ADAM32: variants seen among roughly 807,000 people sequenced by gnomAD.
ADAM32 encodes disintegrin and metalloproteinase domain-containing protein 32.
In ADAM32, 89 loss-of-function variants were observed where a neutral mutation model predicts 114.9. That is an observed-to-expected ratio of 0.77 (90% CI 0.65 to 0.92). The LOEUF (loss-of-function observed/expected upper bound fraction) is 0.92, where lower values mean the gene tolerates loss of function less well. ADAM32 is among the 40% of genes least tolerant of loss of function. The pLI, the probability that ADAM32 is intolerant of heterozygous loss-of-function variation, is 0.00. For missense variants in ADAM32, 870 were observed against 932.8 expected (o/e 0.93, Z 0.88); for synonymous variants, 285 against 307.5 (o/e 0.93, Z 0.77).
chr8:39,107,798 T>C lies in ADAM32; in HGVS notation c.23T>C (p.Leu8Pro), dbSNP rs1839986340. 1 of 1,550,224 alleles carries C rather than the reference T, an allele frequency of 6.5e-7. No homozygotes were observed. The highest frequency in any genetic ancestry group is 2.4e-5 in the East Asian group (1 of 40,864). MFRLWLL[L>P]AGLCGLLASR... ...ACCATGTTCCGCCTCTGGTTGCTGC[T>C]GGCCGGGCTCTGCGGCCTCCTGGCG... Residue 8 changes from leucine to proline, a missense_variant, in exon 1 of 25, where the codon CTG becomes CCG. Leu to Pro is a moderately conservative substitution (Grantham distance 98). Coordinates refer to ENST00000379907, the MANE Select transcript of ADAM32 (RefSeq NM_145004.7).
At chr8:39,116,478 A>G (rs538598095) in intron 1 of ADAM32, among the ~76,000 whole-genome samples, 5 of 151,776 alleles carry the variant, frequency 3.3e-5, no homozygotes, top group African/African-American at 1.2e-4. Context: ...ATTCCTAGGT[A>G]TTTTGTTCTT....
chr8:39,215,503 T>C (rs959409709), intron 12 of ADAM32, among the ~76,000 whole-genome samples: 4 of 152,022 alleles, frequency 2.6e-5, no homozygotes, highest in Non-Finnish European at 5.9e-5. Context: ...GTTTTTCTTC[T>C]TTTTTGATAT....
At chr8:39,125,796 TTTTACATTTAAGTC>T (rs1325312844) in intron 2 of ADAM32, among the ~76,000 whole-genome samples, 1 of 152,198 alleles carries the variant, frequency 6.6e-6, no homozygotes, top group Non-Finnish European at 1.5e-5. Context: ...TTACTTTGGG[TTTTACATTTAAGTC>T]TTTAATCCAT....
intron 6 of ADAM32, among the ~76,000 whole-genome samples, chr8:39,156,410 G>T (rs1350246334): frequency 6.6e-6 from 1 of 152,220 alleles, no homozygotes; most frequent in Non-Finnish European, 1.5e-5. Context: ...CTTCCAGAGT[G>T]CCAGGAGTAT....
intron 16 of ADAM32, among the ~76,000 whole-genome samples, chr8:39,245,833 T>G (rs1005974464): frequency 4.6e-5 from 7 of 152,214 alleles, no homozygotes; most frequent in African/African-American, 1.2e-4. Context: ...ATTGTTTTAA[T>G]TATTCTGCTT....
chr8:39,248,253 G>A (rs1811058735), intron 17 of ADAM32, among the ~76,000 whole-genome samples: 3 of 152,160 alleles, frequency 2.0e-5, no homozygotes, highest in Admixed American at 2.0e-4. Context: ...GACAGGGATT[G>A]TGTTCCATCT....
At chr8:39,283,666 T>C in intron 24 of ADAM32, 42 bp downstream of exon 24, 1 of 1,482,478 alleles carries the variant, frequency 6.7e-7, no homozygotes, top group Admixed American at 1.8e-5. Context: ...AATACATGTA[T>C]AAAATTAAAA....
chr8:39,202,463 C>T (rs544696834), intron 11 of ADAM32, among the ~76,000 whole-genome samples: 33 of 152,202 alleles, frequency 2.2e-4, no homozygotes, highest in South Asian at 8.3e-4. Context: ...TCTGTGGGAT[C>T]GGTGGTGATA....
At chr8:39,254,356 T>C in intron 17 of ADAM32, 58 bp from the exon 18 acceptor site, 1 of 1,375,902 alleles carries the variant, frequency 7.3e-7, no homozygotes, top group South Asian at 1.3e-5. Flanking sequence ...AGCTTGATGC[T>C]CACCTTCTCT....
At chr8:39,120,814 A>G (rs1240983577) in intron 2 of ADAM32, among the ~76,000 whole-genome samples, 1 of 151,924 alleles carries the variant, frequency 6.6e-6, no homozygotes, top group African/African-American at 2.4e-5. Context: ...AGAAATGAGA[A>G]ATGTTATTGG....
chr8:39,210,995 C>A, intron 11 of ADAM32, 149 bp from the exon 12 acceptor site: 1 of 568,856 alleles, frequency 1.8e-6, no homozygotes, highest in Non-Finnish European at 2.7e-6. Context: ...AATCACATGA[C>A]ATCCTCAAGT....
rs180719559 is a variant in ADAM32, at chr8:39,204,616, C to G, written c.1053-6528C>G. Among the ~76,000 whole-genome samples the G allele has an allele frequency of 2.0e-5, 3 of 152,232 alleles. No individual in the cohort carries two copies. The East Asian group carries it at 5.8e-4, about 29-fold the overall frequency. ...TTGGGGAAGTTTGATCATCTGAAGC[C>G]TTCTCTCAACTCATCAAAGTCATTC... On this transcript the variant is annotated intron_variant, in intron 11 of 24. Coordinates refer to ENST00000379907, the MANE Select transcript of ADAM32 (RefSeq NM_145004.7).
At chr8:39,267,549 G>A (rs910337513) in intron 19 of ADAM32, among the ~76,000 whole-genome samples, 3 of 152,078 alleles carry the variant, frequency 2.0e-5, no homozygotes, top group Non-Finnish European at 4.4e-5. Context: ...GTTGTGAACC[G>A]CTGGAAACAA....
chr8:39,208,196 A>G (rs1807973405), intron 11 of ADAM32, among the ~76,000 whole-genome samples: 1 of 152,146 alleles, frequency 6.6e-6, no homozygotes, highest in Non-Finnish European at 1.5e-5. Context: ...AGAATGTTCA[A>G]GATATTGCCT....
chr8:39,184,790 GA>G (rs1355716184), intron 10 of ADAM32, among the ~76,000 whole-genome samples: 2 of 152,174 alleles, frequency 1.3e-5, no homozygotes, highest in Non-Finnish European at 2.9e-5. Context: ...AGAATGTCAA[GA>G]AAATCTTCAG....
At chr8:39,126,174 G>A (rs1802105055) in intron 2 of ADAM32, among the ~76,000 whole-genome samples, 1 of 152,122 alleles carries the variant, frequency 6.6e-6, no homozygotes, top group Non-Finnish European at 1.5e-5. Flanking sequence ...GGTTCCATAT[G>A]AATCTTAAAA....
At chr8:39,114,622 G>C (rs879498042) in intron 1 of ADAM32, among the ~76,000 whole-genome samples, 1 of 152,180 alleles carries the variant, frequency 6.6e-6, no homozygotes, top group Non-Finnish European at 1.5e-5. Flanking sequence ...ACCTGTCTCT[G>C]AGAGTCAATT....
rs1807116533 is a variant in ADAM32 at position 39,197,926 on chromosome 8, A to T, written c.1052+10881A>T. On this transcript the variant is annotated intron_variant, in intron 11 of 24. Transcript: ENST00000379907. ...TGCTTCAAGAGGGGTGTTGGAGTCAACAACTATTATTGTATTGGGGTCTAT... is the reference window on the plus strand; with the variant it reads ...TGCTTCAAGAGGGGTGTTGGAGTCATCAACTATTATTGTATTGGGGTCTAT... Among the ~76,000 whole-genome samples, 2 of 152,164 alleles carry T rather than the reference A, an allele frequency of 1.3e-5. 1 individual carries two copies. Among genetic ancestry groups the T allele is most frequent in the South Asian group, 4.1e-4 (2 of 4,834 alleles).
intron 2 of ADAM32, among the ~76,000 whole-genome samples, chr8:39,127,694 T>A (rs1277916451): frequency 6.6e-6 from 1 of 152,074 alleles, no homozygotes; most frequent in East Asian, 1.9e-4. Flanking sequence ...CTGCCCTGAT[T>A]TTGGTTATTT....
Sources: allele counts gnomAD v4.1 joint callset (sites outside exome capture counted in the v4.1 genomes callset), GRCh38; gene constraint gnomAD v4.1.1; transcripts MANE v1.5; gene names NCBI Gene and HGNC (gene_info 2026-07-23, HGNC 2026-07-21).